The following LMO3 variants were observed in gnomAD, a reference collection of about 807,000 sequenced individuals.
LMO3 encodes the protein LIM domain only 3.
A neutral mutation model predicts 15.8 loss-of-function variants in LMO3; 2 were observed. That is an observed-to-expected ratio of 0.13 (90% CI 0.05 to 0.40). The LOEUF (loss-of-function observed/expected upper bound fraction) is 0.40, where lower values mean the gene tolerates loss of function less well. LMO3 is among the 10% of genes least tolerant of loss of function. The pLI is 0.99. For missense variants in LMO3, 86 were observed against 182.2 expected, an observed-to-expected ratio of 0.47 and a Z score of 3.04; for synonymous variants, 62 against 63.8, an observed-to-expected ratio of 0.97 and a Z score of 0.13.
At chr12:16,600,148 G>A (rs1157935330) in intron 2 of LMO3, 1 of 153,022 alleles carries the variant, frequency 6.5e-6, no homozygotes, top group Non-Finnish European at 1.5e-5. Context: ...ACTAAATTCA[G>A]GTCCAACTTA....
rs10846381 is a variant in LMO3, at chr12:16,599,165, A to T, written c.206+1490T>A. On this transcript the variant is annotated intron_variant, in intron 2 of 3. Coordinates refer to ENST00000537304, the MANE Select transcript of LMO3 (RefSeq NM_018640.5). This position sits in a 1 kb window ranked among gnomAD's most constrained non-coding sequence, Gnocchi z 4.1. ...AAAGAGGAAAGTTCAAAGACCGGAG[A>T]GTTCTAAAAAAATGAACATTGTACA... is the stretch of plus-strand genomic sequence containing the variant. The T allele has an allele frequency of 0.47, 72,086 of 152,728 alleles. 19,270 individuals carry two copies. The highest frequency in any genetic ancestry group is 0.66 in the East Asian group (3,433 of 5,196). The allele number at this position is 152,728 out of a possible 1,614,324, so 9.5% of individuals were successfully genotyped here.
chr12:16,608,605 G>A (rs1387873352), upstream of LMO3: 3 of 152,026 alleles, frequency 2.0e-5, no homozygotes, highest in Non-Finnish European at 2.9e-5. This position sits in a 1 kb window ranked among gnomAD's most constrained non-coding sequence, Gnocchi z 4.1. Flanking sequence ...AGATCTCTAA[G>A]TGCATCCCAT....
At position 16,585,029 on chromosome 12, in the gene LMO3, G is replaced by T. The variant is rs1591812158; in HGVS notation, c.206+15626C>A. Among the ~76,000 whole-genome samples the T allele has an allele frequency of 6.6e-6, 1 of 152,172 alleles. No homozygotes were observed. The highest frequency in any genetic ancestry group is 1.9e-4 in the East Asian group (1 of 5,202). On this transcript the variant is annotated intron_variant, in intron 2 of 3. Coordinates refer to ENST00000537304, the MANE Select transcript of LMO3 (RefSeq NM_018640.5). This position sits in a 1 kb window ranked among gnomAD's most constrained non-coding sequence, Gnocchi z 4.7. ...AGTTGCCAATGTCTTATATACAAGA[G>T]ATTTTACTGAAATATCTAGAAAAAA...
intron 2 of LMO3, among the ~76,000 whole-genome samples, chr12:16,575,120 C>A (rs1460095513): frequency 6.6e-6 from 1 of 152,178 alleles, no homozygotes; most frequent in Non-Finnish European, 1.5e-5. Context: ...CTGGTACTGA[C>A]TTCCAAGTTA....
chr12:16,560,566 T>A lies in LMO3; in HGVS notation c.207-28A>T. On this transcript the variant is annotated intron_variant, in intron 2 of 3. Coordinates refer to ENST00000537304, the MANE Select transcript of LMO3 (RefSeq NM_018640.5). This position sits in a 1 kb window ranked among gnomAD's most constrained non-coding sequence, Gnocchi z 5.0. ...AGAATAAGAAACATTTTTTTTTTTT[T>A]ACAAACTCTTACAGAGAAATCTGAG... 2 of 1,578,150 alleles carry A rather than the reference T, an allele frequency of 1.3e-6. No individual in the cohort carries two copies. The highest frequency in any genetic ancestry group is 8.6e-7 in the Non-Finnish European group (1 of 1,156,412).
rs2137586295 is a variant in LMO3 at position 16,587,190 on chromosome 12, G to T, written c.206+13465C>A. On this transcript the variant is annotated intron_variant, in intron 2 of 3. Transcript: ENST00000537304. The surrounding 1 kb of genome is among the most constrained non-coding windows in gnomAD (Gnocchi z 4.3). ...CTGTCAATCTCAAATATATTCATAA[G>T]CTACACACACGAAAATGAAATGAAC... 6.6e-6 allele frequency among the ~76,000 whole-genome samples: 1 copy of T among 152,212 alleles called. No homozygotes were observed. Among genetic ancestry groups the T allele is most frequent in the East Asian group, 1.9e-4 (1 of 5,174 alleles).
chr12:16,600,587 A>C, intron 2 of LMO3, 68 bp downstream of exon 2: 1 of 1,393,224 alleles, frequency 7.2e-7, no homozygotes, highest in Non-Finnish European at 1.0e-6. Flanking sequence ...CAAGCAAACA[A>C]AAAATACACT....
rs943698761 is a variant in LMO3 at position 16,549,547 on chromosome 12, A to G, written c.*1675T>C. ...CCCAAGAATTCAGGTATAACATTTA[A>G]TTTTCATCTGTAATGCATATATTGG... On this transcript the variant is annotated 3_prime_UTR_variant, in exon 4 of 4. Transcript: ENST00000537304. 1 of 152,540 alleles carries G rather than the reference A, an allele frequency of 6.6e-6. No homozygotes were observed. The allele number at this position is 152,540 out of a possible 1,614,324, so 9.4% of individuals were successfully genotyped here. A position where few individuals can be genotyped will look rare whatever the true frequency, so the allele number is the denominator to read the frequency against.
At position 16,582,912 on chromosome 12, in the gene LMO3, T is replaced by G. The variant is rs1943205879; in HGVS notation, c.206+17743A>C. On this transcript the variant is annotated intron_variant, in intron 2 of 3. Transcript: ENST00000537304. The surrounding 1 kb of genome is among the most constrained non-coding windows in gnomAD (Gnocchi z 4.1). ...AAATAAAAAAATTAGCCGGGAGTGG[T>G]GGCATGCACCTGTAATCCCAGCTAC... Among the ~76,000 whole-genome samples, 1 of 152,048 alleles carries G rather than the reference T, an allele frequency of 6.6e-6. No individual in the cohort carries two copies. The highest frequency in any genetic ancestry group is 6.6e-5 in the Admixed American group (1 of 15,260).
intron 1 of LMO3, chr12:16,602,070 T>G (rs563880515): frequency 2.8e-4 from 43 of 152,348 alleles, no homozygotes; most frequent in African/African-American, 1.0e-3. Flanking sequence ...ACAGTTACGC[T>G]ATAGACTCCA....
chr12:16,570,979 C>G (rs1942793257), intron 2 of LMO3, among the ~76,000 whole-genome samples: 1 of 152,058 alleles, frequency 6.6e-6, no homozygotes, highest in Admixed American at 6.6e-5. Context: ...CACATGTATA[C>G]ATATGTAACT....
At chr12:16,572,724 T>C (rs1222160210) in intron 2 of LMO3, among the ~76,000 whole-genome samples, 1 of 148,504 alleles carries the variant, frequency 6.7e-6, no homozygotes, top group African/African-American at 2.4e-5. Flanking sequence ...AAATATATTA[T>C]AAACCATATA....
At position 16,551,300 on chromosome 12, in the gene LMO3, T is replaced by G; in HGVS notation, c.360A>C (p.Leu120=). 1 of 1,612,308 alleles carries G rather than the reference T, an allele frequency of 6.2e-7. No individual in the cohort carries two copies. The highest frequency in any genetic ancestry group is 8.5e-7 in the Non-Finnish European group (1 of 1,178,476). The part of the protein sequence containing the change: ...QRFCVGDKFF[L]KNNMILCQTD... ...TCTGGCAAAGGATCATGTTATTCTT[T>G]AGGAAAAATTTGTCTCCAACACAAA... Residue 120 remains leucine, a synonymous_variant, in exon 4 of 4, where the codon CTA becomes CTC. Coordinates refer to ENST00000537304, the MANE Select transcript of LMO3 (RefSeq NM_018640.5).
intron 2 of LMO3, among the ~76,000 whole-genome samples, chr12:16,578,923 G>T (rs1451586669): frequency 1.3e-5 from 2 of 152,008 alleles, no homozygotes; most frequent in African/African-American, 4.8e-5. Flanking sequence ...ACTTAACAAA[G>T]TCTCACTTGA....
chr12:16,558,431 T>C (rs1374711895), intron 3 of LMO3, among the ~76,000 whole-genome samples: 2 of 152,038 alleles, frequency 1.3e-5, no homozygotes, highest in Non-Finnish European at 2.9e-5. Context: ...ACATGACAAG[T>C]CAACAAAAGT....
Position 16,560,926 on chromosome 12 carries a change from TAATG to T in LMO3, c.207-392_207-389del. 1 of 188,662 alleles carries T rather than the reference TAATG, an allele frequency of 5.3e-6. No individual in the cohort carries two copies. Among genetic ancestry groups the T allele is most frequent in the South Asian group, 8.5e-5 (1 of 11,708 alleles). 11.7% of individuals were successfully genotyped at this position (188,662 alleles called of 1,614,324 possible). Reference sequence around the variant, plus strand: ...CATTTTAGTTGGGAAAGGAACCAACTAATGAATGATTCACTACTTTTTGACATTT... The same window carrying T: ...CATTTTAGTTGGGAAAGGAACCAACTAATGATTCACTACTTTTTGACATTT... On this transcript the variant is annotated intron_variant, in intron 2 of 3. Transcript: ENST00000537304. The surrounding 1 kb of genome is among the most constrained non-coding windows in gnomAD (Gnocchi z 5.0).
At chr12:16,594,015 TA>T in intron 2 of LMO3, 1 of 814,754 alleles carries the variant, frequency 1.2e-6, no homozygotes, top group Non-Finnish European at 1.8e-6. Flanking sequence ...TGTAGTTTTA[TA>T]AAAGTTGTCC....
rs1941951474 is a variant in LMO3, at chr12:16,550,561, T to C, written c.*661A>G. 6.6e-6 allele frequency: 1 copy of C among 152,420 alleles called. No individual in the cohort carries two copies. Among genetic ancestry groups the C allele is most frequent in the Admixed American group, 6.6e-5 (1 of 15,256 alleles). The allele number at this position is 152,420 out of a possible 1,614,324, so 9.4% of individuals were successfully genotyped here. ...TTTAAGATGAAATTTTTATGTATTT[T>C]TTTAAAGCTGATTTTTAACCCCCTG... is the stretch of plus-strand genomic sequence containing the variant. On this transcript the variant is annotated 3_prime_UTR_variant, in exon 4 of 4. Transcript: ENST00000537304.
rs192666464 is a variant in LMO3, at chr12:16,564,446, G to A, written c.207-3908C>T. On this transcript the variant is annotated intron_variant, in intron 2 of 3. Coordinates refer to ENST00000537304, the MANE Select transcript of LMO3 (RefSeq NM_018640.5). ...GGTTTAGTGTATATCCATTTCTAACGTTCCTGCGGACTGGGGGTAGGGAAA... is the reference window on the plus strand; with the variant it reads ...GGTTTAGTGTATATCCATTTCTAACATTCCTGCGGACTGGGGGTAGGGAAA... Among the ~76,000 whole-genome samples, 67 of 152,316 alleles carry A rather than the reference G, an allele frequency of 4.4e-4. 1 individual carries two copies. Among genetic ancestry groups the A allele is most frequent in the African/African-American group, 1.6e-3 (65 of 41,574 alleles).
Sources: gnomAD v4.1 joint callset for allele counts (sites outside exome capture counted in the v4.1 genomes callset) on GRCh38, gnomAD v4.1.1 for gene constraint, Gnocchi (gnomAD v3.1) non-coding constraint, MANE v1.5 for transcripts, NCBI Gene and HGNC (gene_info 2026-07-23, HGNC 2026-07-21) for gene names.